Variants in GARNL3 observed in about 807,000 individuals in gnomAD.
The protein encoded by GARNL3 is GTPase activating Rap/RanGAP domain like 3.
GARNL3 carries 63 observed loss-of-function variants against 125.0 expected under a neutral mutation model. The observed-to-expected ratio is 0.50, with a 90% CI of 0.41 to 0.62. The LOEUF (loss-of-function observed/expected upper bound fraction) is 0.62. GARNL3 is among the 20% of genes least tolerant of loss of function. GARNL3 has a pLI of 0.00. For missense variants in GARNL3, 994 were observed against 1,244.0 expected, an observed-to-expected ratio of 0.80 and a Z score of 3.02; for synonymous variants, 439 against 457.5, an observed-to-expected ratio of 0.96 and a Z score of 0.52.
chr9:127,277,331 AG>A (rs1173402059), intron 1 of GARNL3, among the ~76,000 whole-genome samples: 2 of 150,830 alleles, frequency 1.3e-5, no homozygotes, highest in Non-Finnish European at 2.9e-5. Flanking sequence ...TCTTTCCTTG[AG>A]CTTCTGGCAC....
rs555582432 is a variant in GARNL3, at chr9:127,392,811, C to T, written c.2871-272C>T. ...TGGGCACCCATGGGAGGGTTTTAGG[C>T]AGGATGACATTATCTGGATTTGCAC... On this transcript the variant is annotated intron_variant, in intron 27 of 27. Coordinates refer to ENST00000373387, the MANE Select transcript of GARNL3 (RefSeq NM_032293.5). The surrounding 1 kb of genome is among the most constrained non-coding windows in gnomAD (Gnocchi z 5.2). Among the ~76,000 whole-genome samples the T allele has an allele frequency of 6.6e-6, 1 of 152,274 alleles. No individual in the cohort carries two copies. Among genetic ancestry groups the T allele is most frequent in the East Asian group, 1.9e-4 (1 of 5,180 alleles).
chr9:127,247,769 G>T (rs2063328585), intron 2 of GARNL3, among the ~76,000 whole-genome samples: 1 of 152,092 alleles, frequency 6.6e-6, no homozygotes, highest in African/African-American at 2.4e-5. Flanking sequence ...TATTCTTTGT[G>T]TTACAAATAA....
intron 17 of GARNL3, among the ~76,000 whole-genome samples, chr9:127,351,019 A>C (rs1412146755): frequency 6.6e-6 from 1 of 152,194 alleles, no homozygotes; most frequent in Non-Finnish European, 1.5e-5. Context: ...AACCAACTAC[A>C]TTATATTAAA....
chr9:127,370,734 C>T (rs1168014929), intron 22 of GARNL3, among the ~76,000 whole-genome samples: 1 of 152,228 alleles, frequency 6.6e-6, no homozygotes, highest in Non-Finnish European at 1.5e-5. Flanking sequence ...GCCCTCTTGT[C>T]TCAGTACTGT....
At position 127,355,367 on chromosome 9, in the gene GARNL3, A is replaced by C; in HGVS notation, c.1830A>C (p.Lys610Asn). 1 of 1,614,214 alleles carries C rather than the reference A, an allele frequency of 6.2e-7. No individual in the cohort carries two copies. Among genetic ancestry groups the C allele is most frequent in the Non-Finnish European group, 8.5e-7 (1 of 1,180,032 alleles). Residue 610 changes from lysine to asparagine, a missense_variant, in exon 20 of 28, where the codon AAA becomes AAC. This residue lies in a region of GARNL3 where 728 missense variants were observed against 865.7 expected (regional missense o/e 0.84). Transcript: ENST00000373387. Reference sequence around the variant, plus strand: ...GGATTGTGGTTGCAATTCGGAATAAACTGCTTCTGATCACAAGAAAACACA... The same window carrying C: ...GGATTGTGGTTGCAATTCGGAATAACCTGCTTCTGATCACAAGAAAACACA... Reference protein sequence around the residue: ...ELRIVVAIRNKLLLITRKHNK... With the variant: ...ELRIVVAIRNNLLLITRKHNK...
intron 22 of GARNL3, among the ~76,000 whole-genome samples, chr9:127,376,429 A>G (rs893418328): frequency 1.4e-3 from 211 of 152,060 alleles, no homozygotes; most frequent in African/African-American, 4.7e-3. Context: ...CGTGTTAGCC[A>G]GGATGGTCTC....
intron 2 of GARNL3, among the ~76,000 whole-genome samples, chr9:127,307,526 CTG>C (rs1349339370): frequency 1.3e-5 from 2 of 152,150 alleles, no homozygotes; most frequent in Admixed American, 6.6e-5. Context: ...AGAAAAATAA[CTG>C]TGATAGGCAA....
In GARNL3 at chr9:127,387,314, C is replaced by T. The variant is rs762118972; in HGVS notation, c.2510C>T (p.Pro837Leu). The T allele has an allele frequency of 1.1e-5, 17 of 1,612,888 alleles. No homozygotes were observed. In the South Asian group the frequency reaches 1.7e-4, roughly 16 times the overall value. Residue 837 changes from proline to leucine, a missense_variant, in exon 25 of 28, where the codon CCT (proline) becomes CTT (leucine). Pro to Leu is a moderately conservative substitution (Grantham distance 98). Transcript: ENST00000373387. The stretch of plus-strand genomic sequence containing the variant: ...CCGGGCCGAGATACTCCAGTATTTC[C>T]TTCTTCCCTGGGGGAAGGTGAAGTC... The part of the protein sequence containing the change: ...TPPGRDTPVF[P>L]SSLGEGEIQS...
intron 2 of GARNL3, among the ~76,000 whole-genome samples, chr9:127,298,936 T>G (rs1005072043): frequency 6.6e-6 from 1 of 152,154 alleles, no homozygotes; most frequent in African/African-American, 2.4e-5. Flanking sequence ...TTCAGAAAAT[T>G]CACTCAACTT....
chr9:127,383,526 C>T lies in GARNL3; in HGVS notation c.2250C>T (p.Asn750=). Residue 750 remains asparagine, a synonymous_variant, in exon 23 of 28, where the codon AAC becomes AAT. Coordinates refer to ENST00000373387, the MANE Select transcript of GARNL3 (RefSeq NM_032293.5). The part of the protein sequence containing the change: ...PSASDFQFCW[N]QAPYAIVCAF... ...CGTCAGATTTCCAGTTCTGTTGGAACCAGGCTCCCTATGCAATTGGTAAGA... is the reference window on the plus strand; with the variant it reads ...CGTCAGATTTCCAGTTCTGTTGGAATCAGGCTCCCTATGCAATTGGTAAGA... 2 of 1,612,222 alleles carry T rather than the reference C, an allele frequency of 1.2e-6. No homozygotes were observed. The highest frequency in any genetic ancestry group is 1.1e-5 in the South Asian group (1 of 90,700).
intron 7 of GARNL3, 69 bp downstream of exon 7, chr9:127,325,164 C>A: frequency 6.8e-7 from 1 of 1,471,120 alleles, no homozygotes; most frequent in Non-Finnish European, 9.5e-7. Context: ...TCTCCTTTCA[C>A]TGTGAACCCA....
intron 21 of GARNL3, 111 bp downstream of exon 21, chr9:127,357,488 A>T (rs1291425128): frequency 5.0e-6 from 5 of 1,006,014 alleles, no homozygotes; most frequent in Non-Finnish European, 5.8e-6. Context: ...TGTACTATTC[A>T]TCACATCAGT....
intron 24 of GARNL3, among the ~76,000 whole-genome samples, chr9:127,386,814 A>G (rs1832566033): frequency 6.6e-6 from 1 of 152,188 alleles, no homozygotes; most frequent in Non-Finnish European, 1.5e-5. Flanking sequence ...CCATTTCCCC[A>G]TCTGCCAAAT....
chr9:127,353,111 C>T (rs1282087982), intron 17 of GARNL3, among the ~76,000 whole-genome samples: 1 of 152,152 alleles, frequency 6.6e-6, no homozygotes, highest in Non-Finnish European at 1.5e-5. Flanking sequence ...CAGTAAGTAA[C>T]CTCAACAACA....
intron 1 of GARNL3, among the ~76,000 whole-genome samples, chr9:127,282,633 A>G (rs1588750022): frequency 6.6e-6 from 1 of 152,208 alleles, no homozygotes; most frequent in African/African-American, 2.4e-5. Flanking sequence ...AAAATATTAC[A>G]TATTATGCTT....
intron 2 of GARNL3, among the ~76,000 whole-genome samples, chr9:127,305,471 T>G (rs546441183): frequency 5.3e-4 from 80 of 152,370 alleles, no homozygotes; most frequent in Non-Finnish European, 6.2e-4. Context: ...TCTGTAAGAC[T>G]CACAACATTT....
intron 22 of GARNL3, among the ~76,000 whole-genome samples, chr9:127,376,408 C>T (rs1404845501): frequency 5.9e-5 from 9 of 151,846 alleles, no homozygotes; most frequent in Non-Finnish European, 1.3e-4. Context: ...TTAGTGGAGA[C>T]GGGGTTTCAC....
intron 2 of GARNL3, among the ~76,000 whole-genome samples, chr9:127,245,637 T>A (rs748412963): frequency 4.6e-5 from 7 of 152,242 alleles, no homozygotes; most frequent in Non-Finnish European, 8.8e-5. Flanking sequence ...ACTACCATTT[T>A]GTGGGCCGCC....
chr9:127,329,932 T>C (rs1007719994), intron 7 of GARNL3, among the ~76,000 whole-genome samples: 10 of 152,184 alleles, frequency 6.6e-5, no homozygotes, highest in African/African-American at 2.4e-4. Context: ...TAGTCCTTCT[T>C]GCTAGCTGTC....
Sources: gnomAD v4.1 joint callset for allele counts (sites outside exome capture counted in the v4.1 genomes callset) on GRCh38, gnomAD v4.1.1 for gene constraint, gnomAD v4.1.1 regional missense constraint, Gnocchi (gnomAD v3.1) non-coding constraint, MANE v1.5 for transcripts, NCBI Gene and HGNC (gene_info 2026-07-23, HGNC 2026-07-21) for gene names.